Variants in MERTK observed in about 807,000 individuals in gnomAD.
The protein encoded by MERTK is tyrosine-protein kinase Mer.
MERTK carries 69 observed loss-of-function variants against 99.3 expected under a neutral mutation model. The ratio of observed to expected loss-of-function variants is 0.70; its 90% CI spans 0.57 to 0.85. The LOEUF (loss-of-function observed/expected upper bound fraction) is 0.85. Ranked by LOEUF, MERTK falls within the 40% of genes least tolerant of loss-of-function variation. MERTK has a pLI of 0.00. For missense variants in MERTK, 1,125 were observed against 1,249.4 expected, an observed-to-expected ratio of 0.90 and a Z score of 1.50; for synonymous variants, 426 against 467.6, an observed-to-expected ratio of 0.91 and a Z score of 1.15.
At chr2:111,940,406 C>T in intron 2 of MERTK, 1 of 534,948 alleles carries the variant, frequency 1.9e-6, no homozygotes, top group Non-Finnish European at 3.8e-6. Context: ...TGTCTGAGCT[C>T]TTCTGTATAC....
intron 18 of MERTK, among the ~76,000 whole-genome samples, chr2:112,024,055 A>G (rs547870566): frequency 6.6e-6 from 1 of 152,216 alleles, no homozygotes; most frequent in East Asian, 1.9e-4. Context: ...TTGTGGTGGT[A>G]GATGTATAAC....
At chr2:112,010,118 T>C (rs1238297417) in intron 15 of MERTK, 52 bp downstream of exon 15, 2 of 1,310,090 alleles carry the variant, frequency 1.5e-6, no homozygotes, top group Non-Finnish European at 2.2e-6. Context: ...TTATGTGACT[T>C]AGCCAGGACA....
intron 2 of MERTK, among the ~76,000 whole-genome samples, chr2:111,933,552 T>A (rs557228412): frequency 9.9e-5 from 15 of 152,210 alleles, no homozygotes; most frequent in African/African-American, 3.6e-4. Context: ...GGACCTTTTT[T>A]TTCTAAAAGG....
At position 112,029,022 on chromosome 2, in the gene MERTK, A is replaced by G; in HGVS notation, c.*158A>G. ...GTTGTTAAGTAAGCTGTCATTAAAA[A>G]TACATAATATATATTTATTTAAAGA... On this transcript the variant is annotated 3_prime_UTR_variant, in exon 19 of 19. Transcript: ENST00000295408. The G allele has an allele frequency of 1.4e-6, 2 of 1,461,078 alleles. No individual in the cohort carries two copies. The highest frequency in any genetic ancestry group is 1.5e-5 in the South Asian group (1 of 68,214). The allele number at this position is 1,461,078 out of a possible 1,614,324, so 90.5% of individuals were successfully genotyped here. A position where few individuals can be genotyped will look rare whatever the true frequency, so the allele number is the denominator to read the frequency against.
At position 111,983,042 on chromosome 2, in the gene MERTK, G is replaced by A. The variant is rs777638801; in HGVS notation, c.1296+49G>A. The A allele has an allele frequency of 3.1e-6, 5 of 1,609,838 alleles. No individual in the cohort carries two copies. In the South Asian group the frequency reaches 5.5e-5, roughly 18 times the overall value. On this transcript the variant is annotated intron_variant, in intron 8 of 18. Transcript: ENST00000295408. ...ACGATTAGTCATCTCCTTTCAACTT[G>A]CTGGTTTACTTCAGTTTTAGAAGCT...
At chr2:111,937,985 C>T (rs1341349992) in intron 2 of MERTK, among the ~76,000 whole-genome samples, 2 of 152,144 alleles carry the variant, frequency 1.3e-5, no homozygotes, top group African/African-American at 2.4e-5. Flanking sequence ...GTGGCATTCA[C>T]GTTTTTGTGC....
rs1468283888 is a variant in MERTK at position 111,966,939 on chromosome 2, G to A, written c.845-1198G>A. On this transcript the variant is annotated intron_variant, in intron 5 of 18. Coordinates refer to ENST00000295408, the MANE Select transcript of MERTK (RefSeq NM_006343.3). ...CTTCATCCTCACCACACCCTCCCTG[G>A]GCCTCATCCACAGTTCCCCACATTT... is the stretch of plus-strand genomic sequence containing the variant. Among the ~76,000 whole-genome samples, 9 of 152,052 alleles carry A rather than the reference G, an allele frequency of 5.9e-5. No individual in the cohort carries two copies. In the East Asian group the frequency reaches 1.5e-3, roughly 26 times the overall value.
Position 112,019,604 on chromosome 2 carries a change from G to A in MERTK, c.2189+82G>A, listed in dbSNP as rs985112846. On this transcript the variant is annotated intron_variant, in intron 16 of 18. Transcript: ENST00000295408. Reference sequence around the variant, plus strand: ...AGGGTTAGTGAGAGGACCTGTTCCTGTTTAGATAGGCAAGGAAGCTGCAGT... The same window carrying A: ...AGGGTTAGTGAGAGGACCTGTTCCTATTTAGATAGGCAAGGAAGCTGCAGT... 11 of 1,033,716 alleles carry A rather than the reference G, an allele frequency of 1.1e-5. No homozygotes were observed. In the African/African-American group the frequency reaches 1.7e-4, roughly 16 times the overall value. 64.0% of individuals were successfully genotyped at this position (1,033,716 alleles called of 1,614,324 possible).
intron 10 of MERTK, among the ~76,000 whole-genome samples, chr2:112,000,624 A>G (rs1676849237): frequency 6.6e-6 from 1 of 152,226 alleles, no homozygotes; most frequent in South Asian, 2.1e-4. Context: ...AAGGGTGCAT[A>G]TTAACATGAT....
chr2:111,940,781 A>G, intron 2 of MERTK: 1 of 1,024,392 alleles, frequency 9.8e-7, no homozygotes, highest in East Asian at 2.4e-5. Flanking sequence ...CTAACAGCTA[A>G]ACCAAGAAGC....
Position 111,929,467 on chromosome 2 carries a change from T to A in MERTK, c.409T>A (p.Leu137Met), listed in dbSNP as rs752543013. Residue 137 changes from leucine to methionine, a missense_variant, in exon 2 of 19, where the codon TTG becomes ATG. Transcript: ENST00000295408. The stretch of plus-strand genomic sequence containing the variant: ...TTCTTGGTGGAAAGATGGGAAGGAA[T>A]TGCTTGGGGCACATCATGCAATTAC... ...TISWWKDGKE[L>M]LGAHHAITQF... is the part of the protein sequence containing the mutation. The A allele has an allele frequency of 1.9e-6, 3 of 1,614,152 alleles. No homozygotes were observed. Among genetic ancestry groups the A allele is most frequent in the Non-Finnish European group, 2.5e-6 (3 of 1,180,014 alleles).
Position 112,021,533 on chromosome 2 carries a change from C to G in MERTK, c.2301C>G (p.Ile767Met). The G allele has an allele frequency of 6.8e-7, 1 of 1,469,628 alleles. No homozygotes were observed. Among genetic ancestry groups the G allele is most frequent in the South Asian group, 1.4e-5 (1 of 71,594 alleles). The allele number at this position is 1,469,628 out of a possible 1,614,324, so 91.0% of individuals were successfully genotyped here. ...TTGCTAAGATGCCTGTTAAATGGAT[C>G]GCCATAGAAAGTCTTGCAGACCGAG... ...GRIAKMPVKW[I>M]AIESLADRVY... Residue 767 changes from isoleucine (I) to methionine (M), a missense_variant, in exon 17 of 19, where the codon ATC becomes ATG. By Grantham distance (10) the Ile-to-Met change is conservative. Coordinates refer to ENST00000295408, the MANE Select transcript of MERTK (RefSeq NM_006343.3).
chr2:111,923,396 C>G (rs1409566345), intron 1 of MERTK, among the ~76,000 whole-genome samples: 1 of 152,186 alleles, frequency 6.6e-6, no homozygotes, highest in Non-Finnish European at 1.5e-5. Context: ...TGATTGGAAA[C>G]ACATGGGCAC....
intron 10 of MERTK, among the ~76,000 whole-genome samples, chr2:111,999,512 G>A (rs986475080): frequency 5.9e-5 from 9 of 151,964 alleles, no homozygotes; most frequent in South Asian, 2.1e-4. Context: ...TGTTTCCCTC[G>A]CTGGTCTTGA....
chr2:111,929,247 G>T lies in MERTK; in HGVS notation c.189G>T (p.Leu63Phe). Residue 63 changes from leucine to phenylalanine, a missense_variant, in exon 2 of 19, where the codon TTG becomes TTT. Leu to Phe is a conservative substitution (Grantham distance 22). Transcript: ENST00000295408. ...LPHASGYQPALMFSPTQPGRP... is the reference protein window; with the variant it reads ...LPHASGYQPAFMFSPTQPGRP... ...ACGCCAGTGGGTACCAGCCTGCCTT[G>T]ATGTTTTCACCAACCCAGCCTGGAA... 6.2e-7 allele frequency: 1 copy of T among 1,614,176 alleles called. No homozygotes were observed. The highest frequency in any genetic ancestry group is 8.5e-7 in the Non-Finnish European group (1 of 1,180,034).
At chr2:111,972,812 C>T (rs923040155) in intron 6 of MERTK, among the ~76,000 whole-genome samples, 1 of 152,136 alleles carries the variant, frequency 6.6e-6, no homozygotes, top group Non-Finnish European at 1.5e-5. Flanking sequence ...ACTAGGTGTC[C>T]TTTATATTCT....
chr2:111,919,634 C>G (rs550451113), intron 1 of MERTK, among the ~76,000 whole-genome samples: 41 of 151,938 alleles, frequency 2.7e-4, no homozygotes, highest in African/African-American at 9.2e-4. Context: ...AAGAAAAAGG[C>G]AAATGCCCCA....
intron 7 of MERTK, among the ~76,000 whole-genome samples, chr2:111,978,448 T>TG (rs572154219): frequency 0.035 from 3,179 of 91,476 alleles, 57 homozygotes; most frequent in Middle Eastern, 0.14. Flanking sequence ...CCCAGCATGT[T>TG]TTTTGTTTGT....
At chr2:111,988,905 C>A (rs997686926) in intron 8 of MERTK, among the ~76,000 whole-genome samples, 3 of 152,116 alleles carry the variant, frequency 2.0e-5, no homozygotes, top group Non-Finnish European at 2.9e-5. Flanking sequence ...GCCAAGATGG[C>A]GCCACTGCAC....
Sources: gnomAD v4.1 joint callset for allele counts (sites outside exome capture counted in the v4.1 genomes callset) on GRCh38, gnomAD v4.1.1 for gene constraint, MANE v1.5 for transcripts, NCBI Gene and HGNC (gene_info 2026-07-23, HGNC 2026-07-21) for gene names.